Variants in PIKFYVE observed in about 807,000 individuals in gnomAD.
PIKFYVE encodes phosphoinositide kinase, FYVE-type zinc finger containing.
In PIKFYVE, 122 loss-of-function variants were observed where a neutral mutation model predicts 257.9. That is an observed-to-expected ratio of 0.47 (90% CI 0.41 to 0.55). The LOEUF (loss-of-function observed/expected upper bound fraction) is 0.55. Among genes scored for constraint, PIKFYVE ranks in the 20% least tolerant of loss-of-function variants. The pLI is 0.00. For missense variants in PIKFYVE, 2,160 were observed against 2,536.6 expected, an observed-to-expected ratio of 0.85 and a Z score of 3.19; for synonymous variants, 892 against 868.9, an observed-to-expected ratio of 1.03 and a Z score of -0.47.
chr2:208,330,006 C>T, intron 22 of PIKFYVE, 93 bp downstream of exon 22: 1 of 1,507,604 alleles, frequency 6.6e-7, no homozygotes, highest in Non-Finnish European at 9.0e-7. Flanking sequence ...TGTTAAGTGA[C>T]TGTTACATGA....
rs752569123 is a variant in PIKFYVE, at chr2:208,285,799, T to A, written c.687T>A (p.Ile229=). 5.0e-6 allele frequency: 8 copies of A among 1,613,944 alleles called. No homozygotes were observed. The highest frequency in any genetic ancestry group is 6.8e-6 in the Non-Finnish European group (8 of 1,179,934). ...CTCATTCCACAGACAGTAATTCTATTGGGGAAGACTTGAATGCTCTTTCAG... is the reference window on the plus strand; with the variant it reads ...CTCATTCCACAGACAGTAATTCTATAGGGGAAGACTTGAATGCTCTTTCAG... ...SYAHSTDSNS[I]GEDLNALSDS... is the part of the protein sequence containing the mutation. The change falls in exon 6 of 42, where the codon ATT becomes ATA. Residue 229 remains isoleucine, a synonymous_variant. Transcript: ENST00000264380.
At chr2:208,353,868 A>G (rs1699992319) in intron 39 of PIKFYVE, 30 bp from the exon 40 acceptor site, 2 of 1,612,552 alleles carry the variant, frequency 1.2e-6, no homozygotes, top group Non-Finnish European at 1.7e-6. Context: ...CAACCTGTAC[A>G]TAAATGACAA....
intron 33 of PIKFYVE, among the ~76,000 whole-genome samples, 175 bp from the exon 34 acceptor site, chr2:208,345,875 T>C (rs1379487480): frequency 6.6e-6 from 1 of 152,172 alleles, no homozygotes; most frequent in Non-Finnish European, 1.5e-5. Context: ...ATTTCAGACT[T>C]TTTTTTCTGT....
chr2:208,311,690 T>C (rs1359409754), intron 12 of PIKFYVE, among the ~76,000 whole-genome samples: 1 of 152,220 alleles, frequency 6.6e-6, no homozygotes, highest in African/African-American at 2.4e-5. Context: ...AAAACACTTA[T>C]TTGGAACTAA....
At chr2:208,273,539 T>C (rs1350291912) in intron 2 of PIKFYVE, 45 bp from the exon 3 acceptor site, 4 of 1,612,346 alleles carry the variant, frequency 2.5e-6, no homozygotes, top group South Asian at 1.1e-5. Flanking sequence ...TTCTCATTGC[T>C]GAACTCTCAG....
In PIKFYVE at chr2:208,276,834, C is replaced by A; in HGVS notation, c.441+4C>A. 6.2e-7 allele frequency: 1 copy of A among 1,604,564 alleles called. No individual in the cohort carries two copies. The highest frequency in any genetic ancestry group is 8.5e-7 in the Non-Finnish European group (1 of 1,171,380). ...AATCATGGAGGGGAAAAGCCAGGTA[C>A]TGTCTAGAGGCTTTGGAAGATTACT... On this transcript the variant is annotated splice_donor_region_variant and intron_variant, in intron 4 of 41. Transcript: ENST00000264380.
rs779817448 is a variant in PIKFYVE at position 208,354,565 on chromosome 2, C to G, written c.6107-6C>G. ...TATTGCTAATTTCACTCCTTCTACC[C>G]CCCAGATTATATTCGAACATTTACA... is the stretch of plus-strand genomic sequence containing the variant. On this transcript the variant is annotated splice_polypyrimidine_tract_variant and splice_region_variant and intron_variant, in intron 40 of 41. Coordinates refer to ENST00000264380, the MANE Select transcript of PIKFYVE (RefSeq NM_015040.4). The G allele has an allele frequency of 1.2e-5, 20 of 1,608,090 alleles. No homozygotes were observed. In the South Asian group the frequency reaches 2.0e-4, roughly 16 times the overall value.
Position 208,325,410 on chromosome 2 carries a change from C to T in PIKFYVE, c.2599C>T (p.Gln867Ter), listed in dbSNP as rs1696808148. The change falls in exon 20 of 42, where the codon CAA becomes TAA. Residue 867 changes from glutamine (Q) to a stop codon, truncating the protein, a stop_gained. Transcript: ENST00000264380. LOFTEE classifies it high-confidence loss of function. Reference protein sequence around the residue: ...IFMICVAYHSQLEISFLMDEF... With the variant: ...IFMICVAYHS ...TATGATCTGTGTTGCTTATCATTCT[C>T]AACTAGAAATATCCTTTCTCATGGA... is the stretch of plus-strand genomic sequence containing the variant. 6.2e-7 allele frequency: 1 copy of T among 1,614,154 alleles called. No individual in the cohort carries two copies. The highest frequency in any genetic ancestry group is 8.5e-7 in the Non-Finnish European group (1 of 1,180,030).
At position 208,326,043 on chromosome 2, in the gene PIKFYVE, C is replaced by G; in HGVS notation, c.3232C>G (p.Arg1078Gly). 2.5e-6 allele frequency: 4 copies of G among 1,614,106 alleles called. No individual in the cohort carries two copies. The South Asian group carries it at 3.3e-5, about 13-fold the overall frequency. Residue 1078 changes from arginine (R) to glycine (G), a missense_variant, in exon 20 of 42, where the codon CGA (arginine) becomes GGA (glycine). Coordinates refer to ENST00000264380, the MANE Select transcript of PIKFYVE (RefSeq NM_015040.4). The stretch of plus-strand genomic sequence containing the variant: ...TGAAAAGGGGATGAGATGCTCTACC[C>G]GAGATTATTTTGCAGAGCAGGTTTA... Reference protein sequence around the residue: ...LTEKGMRCSTRDYFAEQVYWS... With the variant: ...LTEKGMRCSTGDYFAEQVYWS...
rs796154153 is a variant in PIKFYVE, at chr2:208,266,287, C to T, written c.-138C>T. On this transcript the variant is annotated 5_prime_UTR_variant, in exon 1 of 42. Transcript: ENST00000264380. ...CGCATCAACCATGTAAGCAGCTTCG[C>T]TTCCTGCCGCAACCGTCCGCGGCCT... is the stretch of plus-strand genomic sequence containing the variant. 2.6e-5 allele frequency: 4 copies of T among 152,320 alleles called. No homozygotes were observed. The highest frequency in any genetic ancestry group is 9.6e-5 in the African/African-American group (4 of 41,554). The allele number at this position is 152,320 out of a possible 1,614,324, so 9.4% of individuals were successfully genotyped here.
At chr2:208,314,269 A>G (rs200717603) in intron 13 of PIKFYVE, 25 bp from the exon 14 acceptor site, 233 of 1,604,916 alleles carry the variant, frequency 1.5e-4, no homozygotes, top group Non-Finnish European at 2.0e-4. Context: ...TGAAGTAATA[A>G]CTTCTTATTT....
chr2:208,355,146 A>G, intron 41 of PIKFYVE, 44 bp from the exon 42 acceptor site: 2 of 1,478,386 alleles, frequency 1.4e-6, no homozygotes, highest in Non-Finnish European at 1.9e-6. Context: ...TGCCCAATCA[A>G]TTATATAACA....
At chr2:208,326,756 G>T (rs2125594607) in intron 20 of PIKFYVE, among the ~76,000 whole-genome samples, 1 of 152,274 alleles carries the variant, frequency 6.6e-6, no homozygotes, top group East Asian at 1.9e-4. Context: ...CTGGATCCTT[G>T]TGTCAGGGAG....
intron 28 of PIKFYVE, among the ~76,000 whole-genome samples, chr2:208,337,178 A>G: frequency 6.6e-6 from 1 of 152,174 alleles, no homozygotes; most frequent in East Asian, 1.9e-4. Context: ...TGCATCACTG[A>G]GGGTAGCATC....
rs1700102140 is a variant in PIKFYVE, at chr2:208,355,328, G to T, written c.*23G>T. 5.1e-6 allele frequency: 8 copies of T among 1,569,236 alleles called. No individual in the cohort carries two copies. The highest frequency in any genetic ancestry group is 7.0e-6 in the Non-Finnish European group (8 of 1,139,542). ...TGAAATCAAGCACATATTTTGAAATGGACTGTGAAGGAAAAGGGGACAGGA... is the reference window on the plus strand; with the variant it reads ...TGAAATCAAGCACATATTTTGAAATTGACTGTGAAGGAAAAGGGGACAGGA... On this transcript the variant is annotated 3_prime_UTR_variant, in exon 42 of 42. Transcript: ENST00000264380.
chr2:208,326,971 G>A (rs1235645652), intron 20 of PIKFYVE, among the ~76,000 whole-genome samples: 2 of 152,028 alleles, frequency 1.3e-5, no homozygotes, highest in African/African-American at 2.4e-5. Context: ...TATTGATAAT[G>A]GTAGCAATAA....
At chr2:208,328,883 C>G (rs913420331) in intron 21 of PIKFYVE, among the ~76,000 whole-genome samples, 1 of 152,082 alleles carries the variant, frequency 6.6e-6, no homozygotes, top group Non-Finnish European at 1.5e-5. Context: ...GATGCCCAAC[C>G]TGTACTTAAA....
At chr2:208,342,154 G>GT (rs1004534904) in intron 31 of PIKFYVE, among the ~76,000 whole-genome samples, 1 of 152,066 alleles carries the variant, frequency 6.6e-6, no homozygotes, top group Non-Finnish European at 1.5e-5. Context: ...GCTACACTGG[G>GT]TTTTTTTGTG....
At chr2:208,344,195 A>G (rs1699012153) in intron 32 of PIKFYVE, among the ~76,000 whole-genome samples, 1 of 151,808 alleles carries the variant, frequency 6.6e-6, no homozygotes, top group Non-Finnish European at 1.5e-5. Flanking sequence ...ATTTTTTCCC[A>G]CTGGAAGGCA....
Sources: allele counts gnomAD v4.1 joint callset (sites outside exome capture counted in the v4.1 genomes callset), GRCh38; gene constraint gnomAD v4.1.1; transcripts MANE v1.5; gene names NCBI Gene and HGNC (gene_info 2026-07-23, HGNC 2026-07-21).